The following PCLO variants were observed in gnomAD, a reference collection of about 807,000 sequenced individuals.
The protein encoded by PCLO is protein piccolo.
In PCLO, 82 loss-of-function variants were observed where a neutral mutation model predicts 427.5. That is an observed-to-expected ratio of 0.19 (90% CI 0.16 to 0.23). PCLO has a LOEUF of 0.23. Ranked by LOEUF, PCLO falls within the 10% of genes least tolerant of loss-of-function variation. The pLI is 1.00. For synonymous variants in PCLO, 2,357 were observed against 2,155.4 expected, an observed-to-expected ratio of 1.09 and a Z score of -2.59; for missense variants, 6,239 against 6,115.9, an observed-to-expected ratio of 1.02 and a Z score of -0.67.
Position 83,162,854 on chromosome 7 carries a change from T to C in PCLO, c.-262A>G, listed in dbSNP as rs1259111012. Reference sequence around the variant, plus strand: ...CAGAAGACACCTCCCGGACGCCGCCTCGGCGCCCCGAGCCGGGGAGAAGCA... The same window carrying C: ...CAGAAGACACCTCCCGGACGCCGCCCCGGCGCCCCGAGCCGGGGAGAAGCA... On this transcript the variant is annotated 5_prime_UTR_variant, in exon 1 of 25. Transcript: ENST00000333891. The C allele has an allele frequency of 2.2e-5, 11 of 508,496 alleles. No individual in the cohort carries two copies. The highest frequency in any genetic ancestry group is 2.1e-4 in the South Asian group (8 of 37,238). 31.5% of individuals were successfully genotyped at this position (508,496 alleles called of 1,614,324 possible).
chr7:82,960,129 G>A (rs2115610816), intron 4 of PCLO, among the ~76,000 whole-genome samples: 1 of 152,318 alleles, frequency 6.6e-6, no homozygotes, highest in East Asian at 1.9e-4. Flanking sequence ...ATAAAACTGT[G>A]CAAAGAAAGG....
intron 10 of PCLO, among the ~76,000 whole-genome samples, chr7:82,852,731 A>G (rs1033335824): frequency 6.6e-6 from 1 of 152,086 alleles, no homozygotes; most frequent in Admixed American, 6.6e-5. Flanking sequence ...CATATATCCT[A>G]TTAGTGCTAT....
rs759362884 is a variant in PCLO at position 82,775,112 on chromosome 7, C to A, written c.15008-13619G>T. Among the ~76,000 whole-genome samples, 4 of 152,074 alleles carry A rather than the reference C, an allele frequency of 2.6e-5. No homozygotes were observed. The East Asian group carries it at 5.8e-4, about 22-fold the overall frequency. On this transcript the variant is annotated intron_variant, in intron 22 of 24. Coordinates refer to ENST00000333891, the MANE Select transcript of PCLO (RefSeq NM_033026.6). ...AATATTCCATTGTCTGAACAATAAA[C>A]CACAGTTTATTTATCCATTCATCTA...
chr7:82,894,316 T>C, intron 9 of PCLO: 1 of 153,142 alleles, frequency 6.5e-6, no homozygotes, highest in East Asian at 1.9e-4. Context: ...CACTGGTGTA[T>C]TAGTCTGTTT....
chr7:82,802,109 TTGAGCA>T (rs1339741264), intron 21 of PCLO, among the ~76,000 whole-genome samples: 1 of 152,042 alleles, frequency 6.6e-6, no homozygotes, highest in African/African-American at 2.4e-5. Flanking sequence ...TTCCACTGTG[TTGAGCA>T]AACTGGCTTT....
chr7:82,907,284 A>AT (rs1429364593), intron 8 of PCLO, among the ~76,000 whole-genome samples: 1 of 151,962 alleles, frequency 6.6e-6, no homozygotes, highest in African/African-American at 2.4e-5. Flanking sequence ...TCTTACTATG[A>AT]TTTTGTTAAA....
chr7:82,787,293 A>G (rs1348822236), intron 22 of PCLO, among the ~76,000 whole-genome samples: 3 of 151,792 alleles, frequency 2.0e-5, no homozygotes, highest in African/African-American at 7.3e-5. Context: ...CTGGCATGAG[A>G]TGGTATCTCA....
intron 21 of PCLO, 137 bp downstream of exon 21, chr7:82,805,551 A>G (rs1377784384): frequency 1.5e-6 from 1 of 673,280 alleles, no homozygotes; most frequent in Non-Finnish European, 2.4e-6. Context: ...ATTTTTACAT[A>G]GGCATTAACA....
At position 82,824,346 on chromosome 7, in the gene PCLO, G is replaced by A; in HGVS notation, c.14486C>T (p.Thr4829Ile). ...TPRWYPLKEQ[T>I]ESIDHGKSHS... ...AGACTTGCCATGATCAATGCTTTCA[G>A]TCTGTTCTTTGAGAGGATACCACCT... is the stretch of plus-strand genomic sequence containing the variant. Residue 4829 changes from threonine (T) to isoleucine (I), a missense_variant, in exon 19 of 25, where the codon ACT becomes ATT. By Grantham distance (89) the Thr-to-Ile change is moderately conservative. This residue lies in a region of PCLO where 877 missense variants were observed against 925.5 expected (regional missense o/e 0.95). Coordinates refer to ENST00000333891, the MANE Select transcript of PCLO (RefSeq NM_033026.6). 1 of 1,613,058 alleles carries A rather than the reference G, an allele frequency of 6.2e-7. No individual in the cohort carries two copies. The highest frequency in any genetic ancestry group is 2.2e-5 in the East Asian group (1 of 44,826).
chr7:82,957,475 T>C lies in PCLO; in HGVS notation c.4018-540A>G, dbSNP rs114124653. Among the ~76,000 whole-genome samples, 971 of 152,322 alleles carry C rather than the reference T, an allele frequency of 6.4e-3. 15 individuals carry two copies. Among genetic ancestry groups the C allele is most frequent in the African/African-American group, 0.022 (910 of 41,572 alleles). On this transcript the variant is annotated intron_variant, in intron 4 of 24. Coordinates refer to ENST00000333891, the MANE Select transcript of PCLO (RefSeq NM_033026.6). ...ATATGCCATGTACCACAAATAATTT[T>C]GTTATCATTCTTGTCAAATGATTCA... is the stretch of plus-strand genomic sequence containing the variant.
intron 3 of PCLO, among the ~76,000 whole-genome samples, chr7:83,113,133 C>T (rs1271290835): frequency 6.6e-6 from 1 of 152,160 alleles, no homozygotes; most frequent in Non-Finnish European, 1.5e-5. Flanking sequence ...TATTTACTTC[C>T]TAATCGTTAC....
rs77540257 is a variant in PCLO at position 82,890,182 on chromosome 7, C to G, written c.13529-10720G>C. On this transcript the variant is annotated intron_variant, in intron 9 of 24. Coordinates refer to ENST00000333891, the MANE Select transcript of PCLO (RefSeq NM_033026.6). Reference sequence around the variant, plus strand: ...GGGCATTTGCCTTTGAGATCTCTAGCTATAAAGGAAAGCAGAGTAACAAAA... The same window carrying G: ...GGGCATTTGCCTTTGAGATCTCTAGGTATAAAGGAAAGCAGAGTAACAAAA... Among the ~76,000 whole-genome samples the G allele has an allele frequency of 5.8e-3, 883 of 152,012 alleles. 12 individuals carry two copies. The highest frequency in any genetic ancestry group is 0.02 in the African/African-American group (833 of 41,488).
chr7:83,004,674 G>T (rs937856956), intron 3 of PCLO, among the ~76,000 whole-genome samples: 3 of 151,396 alleles, frequency 2.0e-5, no homozygotes, highest in African/African-American at 7.3e-5. Flanking sequence ...AAGTAAACAA[G>T]TTGACTACAT....
chr7:82,812,128 T>G (rs1036391860), intron 20 of PCLO, among the ~76,000 whole-genome samples: 2 of 151,440 alleles, frequency 1.3e-5, no homozygotes, highest in African/African-American at 2.4e-5. Context: ...GTAAATCTCG[T>G]ATATTCACAG....
intron 3 of PCLO, among the ~76,000 whole-genome samples, chr7:83,038,045 A>ATTTATT (rs1259662329): frequency 5.1e-4 from 18 of 35,182 alleles, no homozygotes; most frequent in Admixed American, 1.5e-3. Flanking sequence ...ATATTTATAT[A>ATTTATT]TATATCTTTA....
chr7:82,850,498 G>T (rs1373240913), intron 10 of PCLO, among the ~76,000 whole-genome samples: 1 of 151,912 alleles, frequency 6.6e-6, no homozygotes, highest in Non-Finnish European at 1.5e-5. Flanking sequence ...TAACCTCTAG[G>T]ATTACTTAAT....
intron 2 of PCLO, among the ~76,000 whole-genome samples, chr7:83,144,617 T>C (rs748132848): frequency 1.2e-4 from 18 of 152,226 alleles, no homozygotes; most frequent in Non-Finnish European, 2.1e-4. Context: ...TTTAAAATTA[T>C]GATTAATCCG....
intron 9 of PCLO, among the ~76,000 whole-genome samples, chr7:82,896,803 G>C (rs1793915402): frequency 6.6e-6 from 1 of 151,586 alleles, no homozygotes; most frequent in South Asian, 2.1e-4. Flanking sequence ...AAGAAAATGA[G>C]CCACTATTTC....
At chr7:82,992,405 G>T (rs566509783) in intron 3 of PCLO, among the ~76,000 whole-genome samples, 2 of 152,112 alleles carry the variant, frequency 1.3e-5, no homozygotes, top group South Asian at 2.1e-4. Context: ...ACCAAAAGTT[G>T]TTCAAATGGT....
Sources: gnomAD v4.1 joint callset for allele counts (sites outside exome capture counted in the v4.1 genomes callset) on GRCh38, gnomAD v4.1.1 for gene constraint, gnomAD v4.1.1 regional missense constraint, MANE v1.5 for transcripts, NCBI Gene and HGNC (gene_info 2026-07-23, HGNC 2026-07-21) for gene names.